The following PLPP3 variants were observed in gnomAD, a reference collection of about 807,000 sequenced individuals.
PLPP3 encodes the protein PAP2 beta.
Under a neutral mutation model 29.6 loss-of-function variants are expected in PLPP3, and 6 were observed. The observed-to-expected ratio is 0.20, with a 90% CI of 0.11 to 0.40. The LOEUF (loss-of-function observed/expected upper bound fraction) is 0.40. PLPP3 is among the 10% of genes least tolerant of loss of function. The pLI is 1.00. For synonymous variants in PLPP3, 152 were observed against 159.7 expected (o/e 0.95, Z 0.36); for missense variants, 308 against 407.7 (o/e 0.76, Z 2.11).
intron 2 of PLPP3, among the ~76,000 whole-genome samples, chr1:56,530,942 A>C (rs982071380): frequency 1.3e-5 from 2 of 152,122 alleles, no homozygotes; most frequent in Admixed American, 1.3e-4. Context: ...CGAAAATCCT[A>C]CTTATGCCTT....
At position 56,572,043 on chromosome 1, in the gene PLPP3, G is replaced by GTTTTTT. The variant is rs375576842; in HGVS notation, c.139+6829_139+6834dup. On this transcript the variant is annotated intron_variant, in intron 1 of 5. Transcript: ENST00000371250. ...TTTCGATCATTTCCAATCATTTCTG[G>GTTTTTT]TTTTTTTTTTTTTTTTTTTTTTTTG... is the stretch of plus-strand genomic sequence containing the variant. Among the ~76,000 whole-genome samples the GTTTTTT allele has an allele frequency of 8.7e-4, 74 of 85,056 alleles. 1 individual carries two copies. Among genetic ancestry groups the GTTTTTT allele is most frequent in the South Asian group, 3.9e-3 (8 of 2,046 alleles). 55.8% of individuals were successfully genotyped at this position (85,056 alleles called of 152,430 possible).
chr1:56,555,433 T>TAAAAAA (rs66593221), intron 1 of PLPP3, among the ~76,000 whole-genome samples: 119 of 33,204 alleles, frequency 3.6e-3, no homozygotes, highest in African/African-American at 8.0e-3. Context: ...GGCCAAACAC[T>TAAAAAA]AAAAAAAAAA....
rs1284382271 is a variant in PLPP3, at chr1:56,556,710, G to T, written c.140-19598C>A. Among the ~76,000 whole-genome samples, 26 of 151,824 alleles carry T rather than the reference G, an allele frequency of 1.7e-4. 1 individual carries two copies. Among genetic ancestry groups the T allele is most frequent in the African/African-American group, 6.3e-4 (26 of 41,388 alleles). ...AGGCCAAATTTAAAAACTGGTCTGG[G>T]TGGTTCAGGGAGGGACAGTATAGGT... On this transcript the variant is annotated intron_variant, in intron 1 of 5. Transcript: ENST00000371250.
At chr1:56,499,102 A>T (rs887252241) in intron 5 of PLPP3, among the ~76,000 whole-genome samples, 2 of 114,454 alleles carry the variant, frequency 1.7e-5, no homozygotes, top group Non-Finnish European at 3.4e-5. Context: ...CCCCTTCAAG[A>T]TCTTGAAGAA....
At chr1:56,523,105 G>A (rs749950448) in intron 4 of PLPP3, among the ~76,000 whole-genome samples, 1 of 152,126 alleles carries the variant, frequency 6.6e-6, no homozygotes, top group Non-Finnish European at 1.5e-5. Flanking sequence ...TCTGGGCCTT[G>A]GTCTGTGGAT....
chr1:56,561,127 G>A (rs1308559653), intron 1 of PLPP3, among the ~76,000 whole-genome samples: 3 of 151,756 alleles, frequency 2.0e-5, no homozygotes, highest in Non-Finnish European at 4.4e-5. Context: ...GATTACAGGC[G>A]TGAGCCACTG....
At chr1:56,545,884 C>T (rs1488040105) in intron 1 of PLPP3, among the ~76,000 whole-genome samples, 1 of 151,924 alleles carries the variant, frequency 6.6e-6, no homozygotes, top group East Asian at 1.9e-4. Context: ...AGATGCAGTG[C>T]CAAAAGCGAA....
rs751344686 is a variant in PLPP3, at chr1:56,536,947, A to C, written c.297+8T>G. 6.2e-7 allele frequency: 1 copy of C among 1,613,560 alleles called. No homozygotes were observed. Among genetic ancestry groups the C allele is most frequent in the South Asian group, 1.1e-5 (1 of 91,042 alleles). ...CAGGATCCACCATAGCAGAGTCTGG[A>C]CACTTACCGCGAGGATGGCAATGAC... On this transcript the variant is annotated splice_region_variant and intron_variant, in intron 2 of 5. Coordinates refer to ENST00000371250, the MANE Select transcript of PLPP3 (RefSeq NM_003713.5).
intron 1 of PLPP3, among the ~76,000 whole-genome samples, chr1:56,557,012 G>GAAGGAAAGAAAGAAAGAAA (rs60511169): frequency 5.5e-4 from 5 of 9,124 alleles, no homozygotes; most frequent in African/African-American, 1.2e-3. Flanking sequence ...GAAAGAAAGA[G>GAAGGAAAGAAAGAAAGAAA]AGAGAGAGAG....
chr1:56,546,083 A>T (rs1375701914), intron 1 of PLPP3, among the ~76,000 whole-genome samples: 1 of 152,236 alleles, frequency 6.6e-6, no homozygotes, highest in Non-Finnish European at 1.5e-5. Flanking sequence ...AATGTTTTAA[A>T]TTGTTAACAT....
chr1:56,563,642 C>T (rs1646144527), intron 1 of PLPP3, among the ~76,000 whole-genome samples: 1 of 152,128 alleles, frequency 6.6e-6, no homozygotes, highest in Non-Finnish European at 1.5e-5. Flanking sequence ...GAGCATTTTC[C>T]CTGAAATGTT....
chr1:56,557,014 G>A (rs1374636970), intron 1 of PLPP3, among the ~76,000 whole-genome samples: 580 of 12,680 alleles, frequency 0.046, 108 homozygotes, highest in Middle Eastern at 0.12. Context: ...AAGAAAGAGA[G>A]AGAGAGAGAG....
chr1:56,578,772 G>T (rs914233554), intron 1 of PLPP3, 106 bp downstream of exon 1: 1 of 1,205,604 alleles, frequency 8.3e-7, no homozygotes, highest in Admixed American at 4.4e-5. Flanking sequence ...GCCCCCCGGA[G>T]CTGACGGCGC....
At chr1:56,510,777 T>C (rs1645735937) in intron 5 of PLPP3, among the ~76,000 whole-genome samples, 1 of 152,246 alleles carries the variant, frequency 6.6e-6, no homozygotes, top group South Asian at 2.1e-4. Context: ...TAGTCTGAGC[T>C]AGAATCCCTG....
At chr1:56,554,865 T>C (rs974692837) in intron 1 of PLPP3, among the ~76,000 whole-genome samples, 12 of 152,196 alleles carry the variant, frequency 7.9e-5, no homozygotes, top group African/African-American at 2.9e-4. Context: ...AAATGTGTCT[T>C]GGAACTTCCC....
Position 56,494,919 on chromosome 1 carries a change from A to C in PLPP3, c.*1632T>G, listed in dbSNP as rs1458085986. ...TACTGACAATTTAATGTTTTTATAC[A>C]GTTTTCTCTAGTTGCAGTTATTTCA... On this transcript the variant is annotated 3_prime_UTR_variant, in exon 6 of 6. Coordinates refer to ENST00000371250, the MANE Select transcript of PLPP3 (RefSeq NM_003713.5). 2 of 152,594 alleles carry C rather than the reference A, an allele frequency of 1.3e-5. No homozygotes were observed. The highest frequency in any genetic ancestry group is 4.8e-5 in the African/African-American group (2 of 41,448). 9.5% of individuals were successfully genotyped at this position (152,594 alleles called of 1,614,324 possible). A position where few individuals can be genotyped will look rare whatever the true frequency, so the allele number is the denominator to read the frequency against.
chr1:56,554,388 C>A (rs1207137243), intron 1 of PLPP3, among the ~76,000 whole-genome samples: 1 of 151,752 alleles, frequency 6.6e-6, no homozygotes, highest in Admixed American at 6.6e-5. Context: ...CTGGCTAACA[C>A]GGTGAAACCC....
At chr1:56,576,728 T>C (rs1282389766) in intron 1 of PLPP3, among the ~76,000 whole-genome samples, 1 of 152,122 alleles carries the variant, frequency 6.6e-6, no homozygotes, top group Non-Finnish European at 1.5e-5. Flanking sequence ...AGTGAATAAA[T>C]ATAATAAACA....
intron 1 of PLPP3, among the ~76,000 whole-genome samples, chr1:56,549,449 C>A (rs4912377): frequency 0.54 from 82,518 of 152,022 alleles, 22,603 homozygotes; most frequent in South Asian, 0.67. Flanking sequence ...GTTTGATCAC[C>A]GGATCACACT....
Sources: allele counts gnomAD v4.1 joint callset (sites outside exome capture counted in the v4.1 genomes callset), GRCh38; gene constraint gnomAD v4.1.1; transcripts MANE v1.5; gene names NCBI Gene and HGNC (gene_info 2026-07-23, HGNC 2026-07-21).